GOLM1: variants seen among roughly 807,000 people sequenced by gnomAD.
The protein encoded by GOLM1 is golgi membrane protein 1.
Under a neutral mutation model 50.5 loss-of-function variants are expected in GOLM1, and 31 were observed. That is an observed-to-expected ratio of 0.61 (90% confidence interval 0.46 to 0.83). The LOEUF (loss-of-function observed/expected upper bound fraction) is 0.83. Ranked by LOEUF, GOLM1 falls within the 40% of genes least tolerant of loss-of-function variation. GOLM1 has a pLI of 0.00. For synonymous variants in GOLM1, 178 were observed against 192.8 expected (o/e 0.92, Z 0.64); for missense variants, 491 against 501.3 (o/e 0.98, Z 0.20).
intron 3 of GOLM1, among the ~76,000 whole-genome samples, chr9:86,053,126 ACAC>A (rs536118767): frequency 5.7e-4 from 67 of 117,502 alleles, no homozygotes; most frequent in Middle Eastern, 4.5e-3. Context: ...ACCACACCAC[ACAC>A]CACACCAAAC....
At chr9:86,081,745 C>T (rs1362662777) in intron 1 of GOLM1, among the ~76,000 whole-genome samples, 1 of 151,538 alleles carries the variant, frequency 6.6e-6, no homozygotes, top group Non-Finnish European at 1.5e-5. Flanking sequence ...CAAAAGCAGC[C>T]AGGCATGGTG....
At chr9:86,089,824 G>A (rs12156503) in intron 1 of GOLM1, among the ~76,000 whole-genome samples, 64,435 of 151,948 alleles carry the variant, frequency 0.42, 15,740 homozygotes, top group Non-Finnish European at 0.57. Flanking sequence ...ATCCTTTGGA[G>A]GAGAAGAGGC....
rs1834288503 is a variant in GOLM1 at position 86,065,687 on chromosome 9, C to T, written c.309+11725G>A. On this transcript the variant is annotated intron_variant, in intron 3 of 9. Coordinates refer to ENST00000388712, the MANE Select transcript of GOLM1 (RefSeq NM_016548.4). ...TGACCTCTCTGGCTCTCACTCTCTT[C>T]CCCTCTGTCTCAAGCGACAAGAATG... 2.0e-5 allele frequency among the ~76,000 whole-genome samples: 3 copies of T among 152,308 alleles called. No individual in the cohort carries two copies. In the South Asian group the frequency reaches 6.2e-4, roughly 32 times the overall value.
At chr9:86,093,655 T>C (rs773818214) in intron 1 of GOLM1, among the ~76,000 whole-genome samples, 4 of 152,022 alleles carry the variant, frequency 2.6e-5, no homozygotes, top group Admixed American at 6.5e-5. Flanking sequence ...ATTCAACCTA[T>C]TGGTTAAAAT....
rs1298615703 is a variant in GOLM1 at position 86,026,796 on chromosome 9, TTG to T, written c.*1019_*1020del. On this transcript the variant is annotated 3_prime_UTR_variant, in exon 10 of 10. Coordinates refer to ENST00000388712, the MANE Select transcript of GOLM1 (RefSeq NM_016548.4). ...CATTAACTTGATTTTAAAATCAGTT[TTG>T]TGAGTCATTTACCACAAGCTAAATG... 2.0e-6 allele frequency: 2 copies of T among 979,766 alleles called. No homozygotes were observed. The highest frequency in any genetic ancestry group is 1.2e-6 in the Non-Finnish European group (1 of 824,864). The allele number at this position is 979,766 out of a possible 1,614,324, so 60.7% of individuals were successfully genotyped here.
chr9:86,081,132 C>T (rs1295614398), intron 1 of GOLM1, among the ~76,000 whole-genome samples: 1 of 151,964 alleles, frequency 6.6e-6, no homozygotes, highest in East Asian at 1.9e-4. Context: ...AAGTGATCCT[C>T]CCATCTGGGC....
rs1832777916 is a variant in GOLM1 at position 86,026,281 on chromosome 9, G to A, written c.*1536C>T. ...GAGGACTCAAAGTGAGGCTGGAAGA[G>A]GACTTAGAAGAGTATGAAAGTACTC... On this transcript the variant is annotated 3_prime_UTR_variant, in exon 10 of 10. Transcript: ENST00000388712. 6.1e-6 allele frequency: 6 copies of A among 985,016 alleles called. No individual in the cohort carries two copies. Among genetic ancestry groups the A allele is most frequent in the Non-Finnish European group, 6.0e-6 (5 of 829,704 alleles). 61.0% of individuals were successfully genotyped at this position (985,016 alleles called of 1,614,324 possible).
intron 5 of GOLM1, among the ~76,000 whole-genome samples, chr9:86,042,858 T>G (rs1462786934): frequency 1.3e-5 from 2 of 152,208 alleles, no homozygotes; most frequent in Non-Finnish European, 2.9e-5. Flanking sequence ...ACTACCTCCA[T>G]CCTCAATTCT....
intron 4 of GOLM1, among the ~76,000 whole-genome samples, chr9:86,048,836 T>C (rs1833644473): frequency 6.6e-6 from 1 of 152,248 alleles, no homozygotes; most frequent in Non-Finnish European, 1.5e-5. Context: ...GCCTGTTCAC[T>C]CTGATGGTAG....
At chr9:86,065,693 T>C (rs1327319798) in intron 3 of GOLM1, among the ~76,000 whole-genome samples, 2 of 152,196 alleles carry the variant, frequency 1.3e-5, no homozygotes, top group Admixed American at 6.5e-5. Context: ...TCTTCCCCTC[T>C]GTCTCAAGCG....
intron 3 of GOLM1, among the ~76,000 whole-genome samples, chr9:86,072,188 G>C (rs1333791882): frequency 6.6e-6 from 1 of 152,194 alleles, no homozygotes; most frequent in East Asian, 1.9e-4. Context: ...AACAGTGGTT[G>C]TACAGGCAGG....
chr9:86,063,928 C>T (rs552768870), intron 3 of GOLM1, among the ~76,000 whole-genome samples: 89 of 152,322 alleles, frequency 5.8e-4, no homozygotes, highest in South Asian at 1.0e-3. Flanking sequence ...CGCTAACCAT[C>T]GTGGGCAACC....
chr9:86,026,811 CA>C lies in GOLM1; in HGVS notation c.*1005del. The C allele has an allele frequency of 1.0e-6, 1 of 979,548 alleles. No homozygotes were observed. Among genetic ancestry groups the C allele is most frequent in the Non-Finnish European group, 1.2e-6 (1 of 824,646 alleles). 60.7% of individuals were successfully genotyped at this position (979,548 alleles called of 1,614,324 possible). A position where few individuals can be genotyped will look rare whatever the true frequency, so the allele number is the denominator to read the frequency against. ...AAAATCAGTTTTGTGAGTCATTTACCACAAGCTAAATGTGTACACTATGATA... is the reference window on the plus strand; with the variant it reads ...AAAATCAGTTTTGTGAGTCATTTACCCAAGCTAAATGTGTACACTATGATA... On this transcript the variant is annotated 3_prime_UTR_variant, in exon 10 of 10. Coordinates refer to ENST00000388712, the MANE Select transcript of GOLM1 (RefSeq NM_016548.4).
chr9:86,096,832 A>C (rs1835367693), intron 1 of GOLM1, among the ~76,000 whole-genome samples: 2 of 152,244 alleles, frequency 1.3e-5, no homozygotes, highest in African/African-American at 4.8e-5. Flanking sequence ...ACAAATGCAC[A>C]TACAGAAGAG....
intron 3 of GOLM1, among the ~76,000 whole-genome samples, chr9:86,070,611 T>A (rs1002785535): frequency 6.6e-6 from 1 of 151,432 alleles, no homozygotes; most frequent in African/African-American, 2.4e-5. Flanking sequence ...TCTCTAGATA[T>A]GTGAGGGAAT....
Position 86,046,534 on chromosome 9 carries a change from G to T in GOLM1, c.403C>A (p.Gln135Lys). Residue 135 changes from glutamine (Q) to lysine (K), a missense_variant, in exon 5 of 10, where the codon CAG (glutamine) becomes AAG (lysine). Physicochemically the swap from Gln to Lys is moderately conservative, Grantham distance 53. Coordinates refer to ENST00000388712, the MANE Select transcript of GOLM1 (RefSeq NM_016548.4). Reference protein sequence around the residue: ...KTLQRNYGRLQQDVLQFQKNQ... With the variant: ...KTLQRNYGRLKQDVLQFQKNQ... ...TTCTGAAACTGGAGGACATCCTGCT[G>T]CAGCCTGCCGTAATTCCTCTGCAGG... 6.2e-7 allele frequency: 1 copy of T among 1,613,194 alleles called. No homozygotes were observed. The highest frequency in any genetic ancestry group is 8.5e-7 in the Non-Finnish European group (1 of 1,179,350).
chr9:86,035,058 G>GGCCT, intron 8 of GOLM1: 1 of 985,272 alleles, frequency 1.0e-6, no homozygotes, highest in Non-Finnish European at 1.2e-6. Flanking sequence ...TGGGGCATGT[G>GGCCT]GCCTGCCTGC....
At chr9:86,094,811 C>T (rs562809463) in intron 1 of GOLM1, among the ~76,000 whole-genome samples, 3 of 152,280 alleles carry the variant, frequency 2.0e-5, no homozygotes, top group East Asian at 1.9e-4. Context: ...GGGCCAGGCA[C>T]GGTGGCTAAT....
upstream of GOLM1, chr9:86,099,622 G>A (rs1482934924): frequency 2.0e-5 from 3 of 149,122 alleles, no homozygotes; most frequent in Non-Finnish European, 3.0e-5. Context: ...AGGAGGCGGC[G>A]CCGCGAGCGC....
Sources: allele counts gnomAD v4.1 joint callset (sites outside exome capture counted in the v4.1 genomes callset), GRCh38; gene constraint gnomAD v4.1.1; transcripts MANE v1.5; gene names NCBI Gene and HGNC (gene_info 2026-07-23, HGNC 2026-07-21).